Variants in CDH13 observed in about 807,000 individuals in gnomAD.
CDH13 encodes the protein cadherin-13.
A neutral mutation model predicts 63.8 loss-of-function variants in CDH13; 24 were observed. The observed-to-expected ratio is 0.38, with a 90% CI of 0.27 to 0.53. The LOEUF (loss-of-function observed/expected upper bound fraction) is 0.53, where lower values mean the gene tolerates loss of function less well. CDH13 is among the 20% of genes least tolerant of loss of function. The pLI is 0.85. For synonymous variants in CDH13, 503 were observed against 355.3 expected (o/e 1.42, Z -4.67); for missense variants, 1,049 against 903.1 (o/e 1.16, Z -2.07).
At chr16:82,660,660 C>T (rs74028509) in intron 1 of CDH13, among the ~76,000 whole-genome samples, 9,063 of 152,066 alleles carry the variant, frequency 0.06, 650 homozygotes, top group East Asian at 0.24. Context: ...ATACCTGGGA[C>T]CAAAGACCCT....
chr16:83,719,932 A>T (rs1476084992), intron 10 of CDH13, among the ~76,000 whole-genome samples: 3 of 152,148 alleles, frequency 2.0e-5, no homozygotes, highest in Non-Finnish European at 4.4e-5. Flanking sequence ...GTCAGACTCC[A>T]CTGTAGGAAT....
At chr16:83,722,078 C>G (rs920227213) in intron 10 of CDH13, among the ~76,000 whole-genome samples, 1 of 152,106 alleles carries the variant, frequency 6.6e-6, no homozygotes, top group African/African-American at 2.4e-5. Flanking sequence ...AGGAAGCAAG[C>G]TACTCATTCC....
At chr16:83,512,894 A>C (rs556253904) in intron 7 of CDH13, among the ~76,000 whole-genome samples, 2 of 152,184 alleles carry the variant, frequency 1.3e-5, no homozygotes, top group Admixed American at 1.3e-4. Context: ...GTTTTCAACA[A>C]ACCCTCTAGA....
chr16:82,814,317 C>A (rs912272037), intron 1 of CDH13, among the ~76,000 whole-genome samples: 1 of 152,026 alleles, frequency 6.6e-6, no homozygotes, highest in Non-Finnish European at 1.5e-5. Context: ...GTGCTGGGCT[C>A]CTGGATACCC....
At chr16:82,818,756 A>T (rs1332125689) in intron 1 of CDH13, among the ~76,000 whole-genome samples, 3 of 152,180 alleles carry the variant, frequency 2.0e-5, no homozygotes, top group Non-Finnish European at 4.4e-5. Context: ...CATGCAGGTC[A>T]TCTAGGGCAA....
chr16:83,076,308 C>G (rs994136171), intron 3 of CDH13, among the ~76,000 whole-genome samples: 1 of 152,264 alleles, frequency 6.6e-6, no homozygotes, highest in Non-Finnish European at 1.5e-5. Context: ...CATTCACCCT[C>G]ATTTCTAAGT....
intron 1 of CDH13, among the ~76,000 whole-genome samples, chr16:82,785,277 A>G (rs2035951638): frequency 6.6e-6 from 1 of 152,182 alleles, no homozygotes; most frequent in Admixed American, 6.5e-5. Flanking sequence ...CCAGGTATGC[A>G]GGCTTGGCAC....
At chr16:83,422,472 C>G (rs1249512638) in intron 6 of CDH13, among the ~76,000 whole-genome samples, 1 of 152,154 alleles carries the variant, frequency 6.6e-6, no homozygotes, top group African/African-American at 2.4e-5. Context: ...CATCTGGTTT[C>G]TTATAGTATT....
At chr16:83,633,238 G>C (rs1415866435) in intron 8 of CDH13, among the ~76,000 whole-genome samples, 3 of 151,974 alleles carry the variant, frequency 2.0e-5, no homozygotes, top group Non-Finnish European at 4.4e-5. Context: ...ATTTTACCCA[G>C]CTCCTATTCA....
chr16:82,826,493 TG>T (rs1257655645), intron 1 of CDH13: 1 of 152,244 alleles, frequency 6.6e-6, no homozygotes, highest in East Asian at 1.9e-4. Context: ...GTTCTGTACA[TG>T]ATCAGAATCC....
In CDH13 at chr16:83,347,008, G is replaced by A. The variant is rs368261533; in HGVS notation, c.781+2002G>A. Among the ~76,000 whole-genome samples, 20 of 152,240 alleles carry A rather than the reference G, an allele frequency of 1.3e-4. No individual in the cohort carries two copies. The East Asian group carries it at 2.1e-3, about 16-fold the overall frequency. On this transcript the variant is annotated intron_variant, in intron 6 of 13. Coordinates refer to ENST00000567109, the MANE Select transcript of CDH13 (RefSeq NM_001257.5). ...CCCTCTGGGTTGGACTATAAAGCAC[G>A]CAGTGAAATAGAATCAGTCAGATTT...
chr16:83,191,495 A>T (rs1408160332), intron 4 of CDH13, among the ~76,000 whole-genome samples: 5 of 68,654 alleles, frequency 7.3e-5, no homozygotes, highest in African/African-American at 3.2e-4. Context: ...ATATGCACAT[A>T]TATATATATA....
chr16:82,891,057 GT>G (rs2041064450), intron 2 of CDH13, among the ~76,000 whole-genome samples: 1 of 125,386 alleles, frequency 8.0e-6, no homozygotes, highest in Non-Finnish European at 1.7e-5. Context: ...TTTTTTTTAA[GT>G]TTTGTTGTTG....
intron 1 of CDH13, chr16:82,688,980 C>T (rs947282060): frequency 6.6e-6 from 1 of 152,188 alleles, no homozygotes; most frequent in Non-Finnish European, 1.5e-5. Context: ...CACGGAGAAC[C>T]AGGGCACCTG....
At chr16:82,751,088 T>C (rs2034394987) in intron 1 of CDH13, among the ~76,000 whole-genome samples, 1 of 152,164 alleles carries the variant, frequency 6.6e-6, no homozygotes, top group African/African-American at 2.4e-5. Flanking sequence ...ATCTATCCAG[T>C]TCCCTATTTA....
At chr16:82,766,594 A>G (rs2035060544) in intron 1 of CDH13, among the ~76,000 whole-genome samples, 1 of 152,212 alleles carries the variant, frequency 6.6e-6, no homozygotes, top group African/African-American at 2.4e-5. Flanking sequence ...ACTAAATGAG[A>G]CAATACCTAA....
At chr16:83,055,538 A>G (rs913859322) in intron 3 of CDH13, among the ~76,000 whole-genome samples, 5 of 151,802 alleles carry the variant, frequency 3.3e-5, no homozygotes, top group Admixed American at 3.3e-4. Context: ...TAAATAAAAA[A>G]TCAGTGTACC....
chr16:82,797,867 C>G (rs1387945996), intron 1 of CDH13, among the ~76,000 whole-genome samples: 1 of 151,248 alleles, frequency 6.6e-6, no homozygotes, highest in Non-Finnish European at 1.5e-5. Context: ...AGATCTGATG[C>G]TTAATAAGAC....
chr16:83,339,407 C>G (rs1196073816), intron 5 of CDH13, among the ~76,000 whole-genome samples: 1 of 152,074 alleles, frequency 6.6e-6, no homozygotes, highest in Non-Finnish European at 1.5e-5. Context: ...TTTGCCCTCT[C>G]TAGGAAAGGA....
Sources: allele counts gnomAD v4.1 joint callset (sites outside exome capture counted in the v4.1 genomes callset), GRCh38; gene constraint gnomAD v4.1.1; transcripts MANE v1.5; gene names NCBI Gene and HGNC (gene_info 2026-07-23, HGNC 2026-07-21).